Variants in GFRA1 observed in about 807,000 individuals in gnomAD.
GFRA1 encodes GDNF family receptor alpha-1.
A neutral mutation model predicts 51.6 loss-of-function variants in GFRA1; 16 were observed. The observed-to-expected ratio is 0.31, with a 90% CI of 0.21 to 0.47. The LOEUF (loss-of-function observed/expected upper bound fraction) is 0.47, where lower values mean the gene tolerates loss of function less well. GFRA1 is among the 20% of genes least tolerant of loss of function. GFRA1 has a pLI of 1.00. For synonymous variants in GFRA1, 270 were observed against 241.3 expected (o/e 1.12, Z -1.10); for missense variants, 530 against 594.3 (o/e 0.89, Z 1.13).
At chr10:116,178,303 G>GGC (rs1555163918) in intron 5 of GFRA1, among the ~76,000 whole-genome samples, 1 of 151,952 alleles carries the variant, frequency 6.6e-6, no homozygotes, top group Non-Finnish European at 1.5e-5. Flanking sequence ...AGGGGCCGGG[G>GGC]GGGCGTTTTA....
chr10:116,185,139 G>GCGT (rs1226053903), intron 5 of GFRA1, among the ~76,000 whole-genome samples: 1 of 152,128 alleles, frequency 6.6e-6, no homozygotes, highest in Non-Finnish European at 1.5e-5. Context: ...GTATGAGAAT[G>GCGT]CGTCGGCAAG....
At chr10:116,104,299 T>A (rs1402420201) in intron 6 of GFRA1, among the ~76,000 whole-genome samples, 1 of 152,214 alleles carries the variant, frequency 6.6e-6, no homozygotes, top group African/African-American at 2.4e-5. Flanking sequence ...CAAGTACAGA[T>A]CATTTCCTGC....
intron 5 of GFRA1, among the ~76,000 whole-genome samples, chr10:116,198,059 T>C (rs906879894): frequency 1.1e-4 from 17 of 152,170 alleles, no homozygotes; most frequent in Non-Finnish European, 1.8e-4. Flanking sequence ...ACTCCTCCTC[T>C]GCAAGAGCTA....
At chr10:116,226,461 G>T (rs192031530) in intron 4 of GFRA1, among the ~76,000 whole-genome samples, 19 of 152,116 alleles carry the variant, frequency 1.2e-4, no homozygotes, top group African/African-American at 4.6e-4. Flanking sequence ...ATCGACAAGC[G>T]GCTTTGCATG....
chr10:116,183,791 C>T (rs1962452140), intron 5 of GFRA1, among the ~76,000 whole-genome samples: 1 of 152,206 alleles, frequency 6.6e-6, no homozygotes. Flanking sequence ...AGCATCTCTG[C>T]CCACTTACTG....
At chr10:116,101,170 C>T (rs1331216026) in intron 6 of GFRA1, among the ~76,000 whole-genome samples, 2 of 152,144 alleles carry the variant, frequency 1.3e-5, no homozygotes, top group East Asian at 1.9e-4. Flanking sequence ...CCCTGCCCAC[C>T]CTGGGTTATG....
chr10:116,253,583 G>A (rs1163355458), intron 4 of GFRA1, among the ~76,000 whole-genome samples: 1 of 151,434 alleles, frequency 6.6e-6, no homozygotes, highest in African/African-American at 2.4e-5. Flanking sequence ...ACTGCAGCCT[G>A]GGTGAGAGAG....
chr10:116,168,563 A>G (rs900439989), intron 5 of GFRA1, among the ~76,000 whole-genome samples: 1 of 152,134 alleles, frequency 6.6e-6, no homozygotes, highest in African/African-American at 2.4e-5. Flanking sequence ...TCATCAGGCC[A>G]CAGGAGGAAG....
intron 6 of GFRA1, among the ~76,000 whole-genome samples, chr10:116,107,605 G>T (rs1170004809): frequency 6.6e-6 from 1 of 151,958 alleles, no homozygotes; most frequent in Non-Finnish European, 1.5e-5. Flanking sequence ...TCCCTAAACA[G>T]GTCTAAGCAA....
At chr10:116,252,316 C>T (rs1968448471) in intron 4 of GFRA1, among the ~76,000 whole-genome samples, 1 of 152,108 alleles carries the variant, frequency 6.6e-6, no homozygotes, top group South Asian at 2.1e-4. Flanking sequence ...ACTGCACTTT[C>T]TCTTAATGAA....
At chr10:116,189,345 G>A (rs577962314) in intron 5 of GFRA1, among the ~76,000 whole-genome samples, 8 of 152,116 alleles carry the variant, frequency 5.3e-5, no homozygotes, top group South Asian at 2.1e-4. Context: ...TGACCAACAC[G>A]TCCTGTTTAC....
At chr10:116,184,595 G>A (rs910708335) in intron 5 of GFRA1, among the ~76,000 whole-genome samples, 3 of 152,220 alleles carry the variant, frequency 2.0e-5, no homozygotes, top group Non-Finnish European at 2.9e-5. Flanking sequence ...TTGCTCACCA[G>A]GCTCTGACCT....
At chr10:116,096,896 C>A (rs112085808) in intron 6 of GFRA1, 132 bp from the exon 7 acceptor site, 3 of 416,504 alleles carry the variant, frequency 7.2e-6, no homozygotes, top group South Asian at 4.4e-5. Flanking sequence ...CACACACACA[C>A]ACACATACAC....
chr10:116,112,463 G>A (rs1565583970), intron 6 of GFRA1, among the ~76,000 whole-genome samples: 1 of 152,118 alleles, frequency 6.6e-6, no homozygotes, highest in Non-Finnish European at 1.5e-5. Flanking sequence ...CCCCTGAGAT[G>A]GCCCACATCA....
intron 4 of GFRA1, among the ~76,000 whole-genome samples, chr10:116,231,590 A>G (rs4269847): frequency 0.25 from 37,599 of 152,116 alleles, 5,493 homozygotes; most frequent in South Asian, 0.42. Context: ...TGAATTCTAC[A>G]TTAGATTTAG....
intron 6 of GFRA1, among the ~76,000 whole-genome samples, chr10:116,103,491 G>A (rs1174702813): frequency 6.6e-6 from 1 of 152,210 alleles, no homozygotes; most frequent in African/African-American, 2.4e-5. Context: ...TGAGAAGTCT[G>A]AAGTGAGGAA....
At chr10:116,159,600 G>C (rs1318373696) in intron 5 of GFRA1, among the ~76,000 whole-genome samples, 1 of 152,162 alleles carries the variant, frequency 6.6e-6, no homozygotes, top group Non-Finnish European at 1.5e-5. Flanking sequence ...CCTGGGCCCT[G>C]GGTCTGGATG....
rs1954597084 is a variant in GFRA1 at position 116,057,481 on chromosome 10, G to A, written c.*6917C>T. 6.6e-6 allele frequency: 1 copy of A among 152,036 alleles called. No homozygotes were observed. The highest frequency in any genetic ancestry group is 2.1e-4 in the South Asian group (1 of 4,812). The allele number at this position is 152,036 out of a possible 1,614,324, so 9.4% of individuals were successfully genotyped here. ...TGAAACACACCCTCGGGTTAAGAGT[G>A]AAAAATGCAACACCATCCAAAAGAG... On this transcript the variant is annotated 3_prime_UTR_variant, in exon 11 of 11. Coordinates refer to ENST00000355422, the MANE Select transcript of GFRA1 (RefSeq NM_005264.8).
At chr10:116,215,108 T>C (rs1965468335) in intron 4 of GFRA1, among the ~76,000 whole-genome samples, 1 of 152,238 alleles carries the variant, frequency 6.6e-6, no homozygotes, top group African/African-American at 2.4e-5. Flanking sequence ...GTCTGAGGTA[T>C]ATAAATCATT....
Sources: allele counts gnomAD v4.1 joint callset (sites outside exome capture counted in the v4.1 genomes callset), GRCh38; gene constraint gnomAD v4.1.1; transcripts MANE v1.5; gene names NCBI Gene and HGNC (gene_info 2026-07-23, HGNC 2026-07-21).